Variants in HPSE2 observed in about 807,000 individuals in gnomAD.
HPSE2 encodes heparanase 2 (inactive), also known as inactive heparanase-2.
A neutral mutation model predicts 60.5 loss-of-function variants in HPSE2; 38 were observed. The observed-to-expected ratio is 0.63, with a 90% CI of 0.48 to 0.82. The LOEUF (loss-of-function observed/expected upper bound fraction) is 0.82. HPSE2 is among the 40% of genes least tolerant of loss of function. The probability of loss-of-function intolerance (pLI) is 0.00; values close to 1 mark genes in which losing one functional copy is unlikely to be tolerated. For missense variants in HPSE2, 713 were observed against 740.4 expected (o/e 0.96, Z 0.43); for synonymous variants, 295 against 293.2 (o/e 1.01, Z -0.06).
At chr10:98,956,492 T>C (rs1955513180) in intron 3 of HPSE2, among the ~76,000 whole-genome samples, 1 of 152,152 alleles carries the variant, frequency 6.6e-6, no homozygotes, top group Admixed American at 6.6e-5. Context: ...CTCGGGGCTA[T>C]TGTAGAGCCT....
chr10:99,053,053 C>T (rs1369892491), intron 3 of HPSE2, among the ~76,000 whole-genome samples: 1 of 146,718 alleles, frequency 6.8e-6, no homozygotes, highest in Non-Finnish European at 1.5e-5. Flanking sequence ...AAAAAACAAA[C>T]TGCCTATATA....
chr10:98,751,836 T>C (rs888514537), intron 3 of HPSE2, among the ~76,000 whole-genome samples: 27 of 152,216 alleles, frequency 1.8e-4, no homozygotes, highest in African/African-American at 6.3e-4. Flanking sequence ...ATCTTAAGTA[T>C]TGAGCTATGA....
intron 3 of HPSE2, among the ~76,000 whole-genome samples, chr10:98,994,069 A>G (rs1409131587): frequency 1.3e-5 from 2 of 152,220 alleles, no homozygotes; most frequent in South Asian, 4.1e-4. Context: ...TTAAGCATGA[A>G]GGCTTTGAAG....
the HPSE2 span, among the ~76,000 whole-genome samples, chr10:99,304,832 C>A: frequency 6.6e-6 from 1 of 152,190 alleles, no homozygotes; most frequent in Non-Finnish European, 1.5e-5. Context: ...TTTATAGACA[C>A]ATGGGCAGGA....
chr10:98,568,448 A>G (rs563937), intron 9 of HPSE2, among the ~76,000 whole-genome samples: 129,455 of 152,050 alleles, frequency 0.85, 56,322 homozygotes, highest in East Asian at 1. Flanking sequence ...TGAAGGTGGG[A>G]ATGAATACTG....
At chr10:99,277,940 T>C in the HPSE2 span, among the ~76,000 whole-genome samples, 1 of 151,932 alleles carries the variant, frequency 6.6e-6, no homozygotes, top group South Asian at 2.1e-4. Flanking sequence ...TCTACTAAAA[T>C]ACAAAAATTA....
intron 9 of HPSE2, among the ~76,000 whole-genome samples, chr10:98,563,827 A>C (rs1944261832): frequency 6.6e-6 from 1 of 152,240 alleles, no homozygotes; most frequent in Non-Finnish European, 1.5e-5. Flanking sequence ...CTTAGTGTGA[A>C]TCATAGCACT....
intron 3 of HPSE2, among the ~76,000 whole-genome samples, chr10:98,981,422 A>T (rs1428082795): frequency 6.6e-6 from 1 of 152,142 alleles, no homozygotes; most frequent in Non-Finnish European, 1.5e-5. Context: ...AAGAGCTTGG[A>T]CAAGTCCCTT....
At chr10:98,745,671 T>C (rs1949612105) in intron 3 of HPSE2, among the ~76,000 whole-genome samples, 1 of 152,226 alleles carries the variant, frequency 6.6e-6, no homozygotes, top group African/African-American at 2.4e-5. Flanking sequence ...CATATTTTAC[T>C]TGTCCTTTTA....
intron 9 of HPSE2, among the ~76,000 whole-genome samples, chr10:98,572,145 T>C (rs894891039): frequency 6.6e-6 from 1 of 152,104 alleles, no homozygotes; most frequent in Non-Finnish European, 1.5e-5. Context: ...TTCACTATGT[T>C]GGCCAGGCTG....
chr10:99,234,195 A>G (rs1307422658), intron 1 of HPSE2, among the ~76,000 whole-genome samples: 1 of 152,176 alleles, frequency 6.6e-6, no homozygotes, highest in Non-Finnish European at 1.5e-5. Context: ...AACCGCACCA[A>G]CAGGAACCGA....
chr10:98,584,797 T>C (rs1003525830), intron 9 of HPSE2, among the ~76,000 whole-genome samples: 2 of 152,138 alleles, frequency 1.3e-5, no homozygotes, highest in Admixed American at 6.5e-5. Flanking sequence ...ACAGGTTGCT[T>C]TGGAGATATT....
At chr10:99,121,909 T>A (rs1355051744) in intron 3 of HPSE2, among the ~76,000 whole-genome samples, 1 of 152,128 alleles carries the variant, frequency 6.6e-6, no homozygotes. Flanking sequence ...TAAATAATTA[T>A]GATACATCCA....
intron 3 of HPSE2, among the ~76,000 whole-genome samples, chr10:99,012,572 T>C (rs1957042931): frequency 6.6e-6 from 1 of 152,208 alleles, no homozygotes; most frequent in Non-Finnish European, 1.5e-5. Context: ...ATATTATTAA[T>C]ATTTGTGTTA....
intron 7 of HPSE2, among the ~76,000 whole-genome samples, chr10:98,630,195 G>GTTTTTTT (rs149014315): frequency 2.4e-5 from 3 of 127,290 alleles, no homozygotes; most frequent in African/African-American, 3.0e-5. Context: ...TTTTTTTTTT[G>GTTTTTTT]TTTTTTTTTT....
chr10:99,275,239 A>G, the HPSE2 span, among the ~76,000 whole-genome samples: 1 of 152,236 alleles, frequency 6.6e-6, no homozygotes, highest in South Asian at 2.1e-4. Context: ...CGATTAAGAT[A>G]AAGACAAACT....
intron 5 of HPSE2, among the ~76,000 whole-genome samples, chr10:98,707,887 T>G (rs1012895851): frequency 1.3e-5 from 2 of 152,170 alleles, no homozygotes; most frequent in African/African-American, 4.8e-5. Flanking sequence ...ACTGGAATAA[T>G]GAAGGGGCAT....
chr10:99,141,987 G>C (rs1269081727), intron 3 of HPSE2, among the ~76,000 whole-genome samples: 1 of 152,142 alleles, frequency 6.6e-6, no homozygotes, highest in Non-Finnish European at 1.5e-5. Context: ...TAAATAACTG[G>C]TGGGTAGAGG....
chr10:98,492,617 G>C (rs1941695511), intron 9 of HPSE2, among the ~76,000 whole-genome samples: 1 of 151,558 alleles, frequency 6.6e-6, no homozygotes, highest in African/African-American at 2.4e-5. Context: ...CACCATAATT[G>C]AGTGGCAAAC....
Sources: allele counts gnomAD v4.1 joint callset (sites outside exome capture counted in the v4.1 genomes callset), GRCh38; gene constraint gnomAD v4.1.1; transcripts MANE v1.5; gene names NCBI Gene and HGNC (gene_info 2026-07-23, HGNC 2026-07-21).